MAD1L1: variants seen among roughly 807,000 people sequenced by gnomAD.
MAD1L1 encodes the protein mitotic arrest deficient 1 like 1, also known as mitotic spindle assembly checkpoint protein MAD1.
Under a neutral mutation model 96.9 loss-of-function variants are expected in MAD1L1, and 95 were observed. The ratio of observed to expected loss-of-function variants is 0.98; its 90% confidence interval spans 0.83 to 1.16. The LOEUF (loss-of-function observed/expected upper bound fraction) is 1.16. Among genes scored for constraint, MAD1L1 ranks in the 50% most tolerant of loss-of-function variants. The pLI, the probability that MAD1L1 is intolerant of heterozygous loss-of-function variation, is 0.00. For missense variants in MAD1L1, 1,007 were observed against 954.4 expected (o/e 1.06, Z -0.73); for synonymous variants, 473 against 396.6 (o/e 1.19, Z -2.29).
chr7:2,101,240 G>A (rs868300622), intron 11 of MAD1L1, among the ~76,000 whole-genome samples: 23 of 152,344 alleles, frequency 1.5e-4, no homozygotes, highest in African/African-American at 5.3e-4. Flanking sequence ...CTGCCCTGGG[G>A]GGAAGGGCCA....
chr7:2,037,193 CTTAATAGACTCTTCT>C (rs1317794518), intron 12 of MAD1L1, among the ~76,000 whole-genome samples: 1 of 149,944 alleles, frequency 6.7e-6, no homozygotes, highest in African/African-American at 2.5e-5. Flanking sequence ...TCTTTGTCTT[CTTAATAGACTCTTCT>C]TTTTTTTTTT....
At chr7:1,987,009 A>G (rs1192828497) in intron 14 of MAD1L1, among the ~76,000 whole-genome samples, 1 of 151,846 alleles carries the variant, frequency 6.6e-6, no homozygotes, top group Non-Finnish European at 1.5e-5. Flanking sequence ...GGCACAGGAC[A>G]GTAGCCACAG....
At chr7:2,034,479 G>A (rs1318966062) in intron 12 of MAD1L1, among the ~76,000 whole-genome samples, 1 of 152,182 alleles carries the variant, frequency 6.6e-6, no homozygotes, top group Non-Finnish European at 1.5e-5. Context: ...GCCTCCCAAA[G>A]TGCTAGGATT....
intron 18 of MAD1L1, among the ~76,000 whole-genome samples, chr7:1,827,073 G>T (rs1356870885): frequency 6.6e-6 from 1 of 152,244 alleles, no homozygotes; most frequent in African/African-American, 2.4e-5. Context: ...CCGAGGGAGT[G>T]GGGGCGCCGG....
At chr7:1,931,571 G>A (rs1789480371) in intron 17 of MAD1L1, among the ~76,000 whole-genome samples, 1 of 152,134 alleles carries the variant, frequency 6.6e-6, no homozygotes, top group Non-Finnish European at 1.5e-5. Flanking sequence ...ACATTCTGTG[G>A]CTCCTTCTGG....
intron 18 of MAD1L1, among the ~76,000 whole-genome samples, chr7:1,889,265 C>A (rs528001830): frequency 6.6e-6 from 1 of 152,360 alleles, no homozygotes; most frequent in South Asian, 2.1e-4. Context: ...CGGGGGCTGA[C>A]TAGCAGTGAC....
intron 17 of MAD1L1, among the ~76,000 whole-genome samples, chr7:1,918,166 T>A (rs1479223685): frequency 6.6e-6 from 1 of 152,060 alleles, no homozygotes; most frequent in Non-Finnish European, 1.5e-5. Context: ...ACAGAATGCC[T>A]CCGAGGCTCT....
chr7:1,934,814 G>A (rs1201026478), intron 17 of MAD1L1, among the ~76,000 whole-genome samples: 4 of 149,774 alleles, frequency 2.7e-5, no homozygotes, highest in Middle Eastern at 3.6e-3. Flanking sequence ...AGACAACAGG[G>A]GAACAAACAG....
At chr7:2,140,134 G>A (rs1037866884) in intron 11 of MAD1L1, among the ~76,000 whole-genome samples, 8 of 152,094 alleles carry the variant, frequency 5.3e-5, no homozygotes, top group South Asian at 2.1e-4. Flanking sequence ...CCTACACAGC[G>A]TCCAAGCCCA....
intron 10 of MAD1L1, among the ~76,000 whole-genome samples, chr7:2,209,760 G>A (rs990908741): frequency 2.8e-4 from 43 of 152,142 alleles, no homozygotes; most frequent in Admixed American, 1.2e-3. Context: ...CAGCCCACCC[G>A]GCACAGGCCC....
intron 10 of MAD1L1, among the ~76,000 whole-genome samples, chr7:2,187,349 C>CA (rs1246724775): frequency 1.4e-4 from 21 of 151,750 alleles, no homozygotes; most frequent in East Asian, 1.9e-4. Context: ...ACTCTGTCTC[C>CA]AAAAAAACAA....
At chr7:2,116,569 G>T (rs1021600783) in intron 11 of MAD1L1, among the ~76,000 whole-genome samples, 1 of 75,438 alleles carries the variant, frequency 1.3e-5, no homozygotes, top group South Asian at 6.1e-4. Flanking sequence ...CAGAGGGTTG[G>T]GGGGGGGGGG....
chr7:2,042,209 GCA>G (rs550919988), intron 12 of MAD1L1, among the ~76,000 whole-genome samples: 14 of 131,078 alleles, frequency 1.1e-4, no homozygotes, highest in South Asian at 5.2e-4. Context: ...ACACAGACAC[GCA>G]CACAGACGTG....
chr7:2,031,123 G>A (rs1005700876), intron 12 of MAD1L1, among the ~76,000 whole-genome samples: 5 of 152,148 alleles, frequency 3.3e-5, no homozygotes, highest in Non-Finnish European at 5.9e-5. Context: ...GCACCTACGC[G>A]AGCTCTCCTG....
In MAD1L1 at chr7:1,953,965, C is replaced by A. The variant is rs185697872; in HGVS notation, c.1596+3664G>T. Among the ~76,000 whole-genome samples the A allele has an allele frequency of 8.7e-3, 1,328 of 152,284 alleles. 17 individuals are homozygous for A. Among genetic ancestry groups the A allele is most frequent in the African/African-American group, 0.031 (1,280 of 41,574 alleles). On this transcript the variant is annotated intron_variant, in intron 16 of 18. Coordinates refer to ENST00000265854, the MANE Select transcript of MAD1L1 (RefSeq NM_001013836.2). ...AAGGTCAGTGTCCTGCCCAGTGCGG[C>A]CTCCACTGGACGTGCCCCTCTCTAC...
At chr7:1,960,623 G>A (rs1779915051) in intron 15 of MAD1L1, among the ~76,000 whole-genome samples, 1 of 152,192 alleles carries the variant, frequency 6.6e-6, no homozygotes, top group Non-Finnish European at 1.5e-5. Context: ...ACATGTGTGT[G>A]CTAATAAAAG....
chr7:1,966,913 C>T lies in MAD1L1; in HGVS notation c.1506-9194G>A, dbSNP rs190749192. 3.9e-5 allele frequency among the ~76,000 whole-genome samples: 6 copies of T among 152,356 alleles called. No individual in the cohort carries two copies. The East Asian group carries it at 9.6e-4, about 24-fold the overall frequency. On this transcript the variant is annotated intron_variant, in intron 15 of 18. Coordinates refer to ENST00000265854, the MANE Select transcript of MAD1L1 (RefSeq NM_001013836.2). ...CCACCCGAGGGAAACCGTGAGGAAT[C>T]GTAGCCACCTGCTCTCCAGGAGAGG...
At chr7:2,134,793 C>T (rs1788676824) in intron 11 of MAD1L1, among the ~76,000 whole-genome samples, 1 of 152,196 alleles carries the variant, frequency 6.6e-6, no homozygotes, top group Admixed American at 6.5e-5. Flanking sequence ...AAGTTCCTGG[C>T]TCCACCAGAA....
chr7:2,231,282 G>C (rs950978237), intron 1 of MAD1L1, among the ~76,000 whole-genome samples: 4 of 150,532 alleles, frequency 2.7e-5, no homozygotes, highest in African/African-American at 9.8e-5. Flanking sequence ...TGGGTAACGG[G>C]GTGAGACAGT....
Sources: allele counts gnomAD v4.1 joint callset (sites outside exome capture counted in the v4.1 genomes callset), GRCh38; gene constraint gnomAD v4.1.1; transcripts MANE v1.5; gene names NCBI Gene and HGNC (gene_info 2026-07-23, HGNC 2026-07-21).